EIF2AK4: variants seen among roughly 807,000 people sequenced by gnomAD.
EIF2AK4 encodes eukaryotic translation initiation factor 2 alpha kinase 4.
A neutral mutation model predicts 211.1 loss-of-function variants in EIF2AK4; 139 were observed. The ratio of observed to expected loss-of-function variants is 0.66; its 90% CI spans 0.57 to 0.76. EIF2AK4 has a LOEUF of 0.76. EIF2AK4 is among the 30% of genes least tolerant of loss of function. EIF2AK4 has a pLI of 0.00. For missense variants in EIF2AK4, 1,664 were observed against 2,043.8 expected, an observed-to-expected ratio of 0.81 and a Z score of 3.58; for synonymous variants, 710 against 751.3, an observed-to-expected ratio of 0.94 and a Z score of 0.90.
intron 23 of EIF2AK4, among the ~76,000 whole-genome samples, chr15:40,006,339 A>G (rs891238166): frequency 6.6e-5 from 10 of 152,206 alleles, no homozygotes; most frequent in African/African-American, 2.4e-4. Context: ...AAGTACAAAT[A>G]TTTACATAGC....
At chr15:39,994,425 T>A (rs114166107) in intron 18 of EIF2AK4, among the ~76,000 whole-genome samples, 1,872 of 152,086 alleles carry the variant, frequency 0.012, 31 homozygotes, top group African/African-American at 0.037. Flanking sequence ...CTGGGTAACA[T>A]AGCGAGACCT....
At chr15:40,003,576 C>T (rs2035121777) in intron 23 of EIF2AK4, among the ~76,000 whole-genome samples, 1 of 152,078 alleles carries the variant, frequency 6.6e-6, no homozygotes, top group South Asian at 2.1e-4. Context: ...ACATGTGCAC[C>T]CCCCAGTGTT....
At chr15:39,959,373 T>C (rs2034435658) in intron 6 of EIF2AK4, among the ~76,000 whole-genome samples, 1 of 152,242 alleles carries the variant, frequency 6.6e-6, no homozygotes, top group Admixed American at 6.5e-5. Flanking sequence ...GACATTGCAT[T>C]TGTCTCTTTA....
At chr15:39,995,343 G>A (rs1190523371) in intron 18 of EIF2AK4, among the ~76,000 whole-genome samples, 2 of 152,060 alleles carry the variant, frequency 1.3e-5, no homozygotes, top group Non-Finnish European at 2.9e-5. Flanking sequence ...CAAGAGTCTC[G>A]CCGCCCCCTC....
Position 39,934,478 on chromosome 15 carries a change from A to T in EIF2AK4, c.144+139A>T, listed in dbSNP as rs946899298. ...CATCCCTTAGGTTCCACCCATGCTC[A>T]CTTTAGTCCTTGCACCTGCAGCTGG... is the stretch of plus-strand genomic sequence containing the variant. On this transcript the variant is annotated intron_variant, in intron 1 of 38. Coordinates refer to ENST00000263791, the MANE Select transcript of EIF2AK4 (RefSeq NM_001013703.4). 27 of 1,214,772 alleles carry T rather than the reference A, an allele frequency of 2.2e-5. No homozygotes were observed. The East Asian group carries it at 4.9e-4, about 22-fold the overall frequency. The allele number at this position is 1,214,772 out of a possible 1,614,324, so 75.2% of individuals were successfully genotyped here.
At chr15:39,955,241 A>G (rs886189455) in intron 5 of EIF2AK4, among the ~76,000 whole-genome samples, 2 of 152,200 alleles carry the variant, frequency 1.3e-5, no homozygotes, top group Admixed American at 6.5e-5. Context: ...TTTTCTTGAA[A>G]CCATAACCTG....
intron 18 of EIF2AK4, among the ~76,000 whole-genome samples, chr15:39,993,853 T>C (rs2034983852): frequency 6.6e-6 from 1 of 152,206 alleles, no homozygotes; most frequent in Admixed American, 6.5e-5. Context: ...GGAACTGGAC[T>C]GCAAGCAGTA....
At chr15:39,996,805 A>G (rs967862999) in intron 18 of EIF2AK4, among the ~76,000 whole-genome samples, 159 bp from the exon 19 acceptor site, 3 of 152,240 alleles carry the variant, frequency 2.0e-5, no homozygotes, top group Non-Finnish European at 4.4e-5. Context: ...TAGCCTTTAT[A>G]ACCATAATTT....
At chr15:39,935,098 G>A (rs1178541691) in intron 1 of EIF2AK4, among the ~76,000 whole-genome samples, 2 of 152,162 alleles carry the variant, frequency 1.3e-5, no homozygotes, top group Non-Finnish European at 2.9e-5. Flanking sequence ...TTACGAATGC[G>A]TGTTGGGCCA....
chr15:39,995,864 G>A (rs1306034988), intron 18 of EIF2AK4, among the ~76,000 whole-genome samples: 1 of 152,130 alleles, frequency 6.6e-6, no homozygotes, highest in African/African-American at 2.4e-5. Context: ...TTTGTGTATG[G>A]TAAGAACGCT....
rs780883067 is a variant in EIF2AK4 at position 39,987,980 on chromosome 15, T to C, written c.2404-3T>C. 6.2e-7 allele frequency: 1 copy of C among 1,614,064 alleles called. No individual in the cohort carries two copies. The highest frequency in any genetic ancestry group is 1.7e-5 in the Admixed American group (1 of 60,016). ...CAAATTCTCCTGGTTTGTCTGTATA[T>C]AGATGGAGTACTGTGAGAAGAGCAC... On this transcript the variant is annotated splice_region_variant and splice_polypyrimidine_tract_variant and intron_variant, in intron 14 of 38. Transcript: ENST00000263791.
intron 38 of EIF2AK4, 134 bp downstream of exon 38, chr15:40,034,578 C>G (rs1453716084): frequency 2.9e-6 from 2 of 690,188 alleles, no homozygotes; most frequent in Non-Finnish European, 5.1e-6. Flanking sequence ...AGCTGACAAC[C>G]AATAAATCTT....
At chr15:39,968,130 G>C (rs1182581060) in intron 9 of EIF2AK4, among the ~76,000 whole-genome samples, 1 of 152,216 alleles carries the variant, frequency 6.6e-6, no homozygotes, top group Non-Finnish European at 1.5e-5. Flanking sequence ...TTGGGGGACT[G>C]ATGGGATACT....
At chr15:39,943,641 T>C (rs1052061336) in intron 3 of EIF2AK4, among the ~76,000 whole-genome samples, 156 bp downstream of exon 3, 2 of 152,206 alleles carry the variant, frequency 1.3e-5, no homozygotes, top group Admixed American at 1.3e-4. Context: ...ATTTGTAGTC[T>C]ATAGATGGTA....
intron 21 of EIF2AK4, among the ~76,000 whole-genome samples, chr15:40,001,513 C>T (rs1347766981): frequency 6.6e-6 from 1 of 151,796 alleles, no homozygotes; most frequent in Non-Finnish European, 1.5e-5. Context: ...ACCTGTAATC[C>T]CAGCTACCCG....
chr15:39,953,776 GT>G (rs1258717829), intron 4 of EIF2AK4, 127 bp from the exon 5 acceptor site: 1 of 888,800 alleles, frequency 1.1e-6, no homozygotes, highest in African/African-American at 1.7e-5. Context: ...AAGATGCTGT[GT>G]TTTCAGATCT....
intron 29 of EIF2AK4, among the ~76,000 whole-genome samples, chr15:40,018,241 G>GAA (rs2035336366): frequency 1.3e-5 from 2 of 152,152 alleles, no homozygotes; most frequent in Admixed American, 6.5e-5. Context: ...GCTGTTATTT[G>GAA]AGTTACTTTT....
At position 39,961,805 on chromosome 15, in the gene EIF2AK4, A is replaced by C. The variant is rs747409165; in HGVS notation, c.765A>C (p.Val255=). Residue 255 remains valine (V), a synonymous_variant, in exon 7 of 39, where the codon GTA becomes GTC. Transcript: ENST00000263791. ...GRSRRERQYS[V]CNSEDSPGSC... Reference sequence around the variant, plus strand: ...TAAGGCGAGAACGTCAGTATTCTGTATGTAATAGTGAAGATTCTCCTGGCT... The same window carrying C: ...TAAGGCGAGAACGTCAGTATTCTGTCTGTAATAGTGAAGATTCTCCTGGCT... 1 of 1,613,974 alleles carries C rather than the reference A, an allele frequency of 6.2e-7. No homozygotes were observed. The highest frequency in any genetic ancestry group is 1.1e-5 in the South Asian group (1 of 91,074).
chr15:40,035,016 T>C lies in EIF2AK4; in HGVS notation c.4893-11T>C. Reference sequence around the variant, plus strand: ...TGAGTCTGTCCTTATATCTTTTCTTTTCTTTTGCAGGGTGTCTGTGCTATT... The same window carrying C: ...TGAGTCTGTCCTTATATCTTTTCTTCTCTTTTGCAGGGTGTCTGTGCTATT... On this transcript the variant is annotated splice_polypyrimidine_tract_variant and intron_variant, in intron 38 of 38. Transcript: ENST00000263791. 1.3e-6 allele frequency: 2 copies of C among 1,577,054 alleles called. No homozygotes were observed. Among genetic ancestry groups the C allele is most frequent in the South Asian group, 2.3e-5 (2 of 86,982 alleles).
Sources: allele counts gnomAD v4.1 joint callset (sites outside exome capture counted in the v4.1 genomes callset), GRCh38; gene constraint gnomAD v4.1.1; transcripts MANE v1.5; gene names NCBI Gene and HGNC (gene_info 2026-07-23, HGNC 2026-07-21).